Variants in GPHN observed in about 807,000 individuals in gnomAD.
GPHN encodes the protein gephyrin.
A neutral mutation model predicts 95.5 loss-of-function variants in GPHN; 17 were observed. The observed-to-expected ratio is 0.18, with a 90% confidence interval of 0.12 to 0.27. The LOEUF is 0.27. Ranked by LOEUF, GPHN falls within the 10% of genes least tolerant of loss-of-function variation. GPHN has a pLI of 1.00. For missense variants in GPHN, 660 were observed against 978.1 expected, an observed-to-expected ratio of 0.67 and a Z score of 4.34; for synonymous variants, 320 against 322.5, an observed-to-expected ratio of 0.99 and a Z score of 0.08.
chr14:66,807,491 A>G (rs2060591807), intron 3 of GPHN, among the ~76,000 whole-genome samples: 1 of 152,216 alleles, frequency 6.6e-6, no homozygotes, highest in African/African-American at 2.4e-5. Flanking sequence ...TTAATAGTAG[A>G]ATAAATACAA....
At chr14:66,799,819 T>C (rs765672295) in intron 3 of GPHN, among the ~76,000 whole-genome samples, 2 of 152,070 alleles carry the variant, frequency 1.3e-5, no homozygotes, top group Admixed American at 6.6e-5. Context: ...AGTGTTATTA[T>C]TGATAAGTAA....
intron 1 of GPHN, among the ~76,000 whole-genome samples, chr14:66,585,009 A>G (rs559653615): frequency 1.3e-5 from 2 of 152,188 alleles, no homozygotes; most frequent in African/African-American, 2.4e-5. Context: ...CTGTGAATCC[A>G]TCTGGTCCTG....
At chr14:66,825,650 C>G (rs2061361722) in intron 4 of GPHN, among the ~76,000 whole-genome samples, 1 of 148,692 alleles carries the variant, frequency 6.7e-6, no homozygotes, top group African/African-American at 2.5e-5. Context: ...TATGAAAATG[C>G]AATTTTAAGA....
At chr14:67,329,314 T>A in the GPHN span, among the ~76,000 whole-genome samples, 1 of 152,260 alleles carries the variant, frequency 6.6e-6, no homozygotes, top group Non-Finnish European at 1.5e-5. Context: ...TTGTGATTTC[T>A]GCACATTGAT....
the GPHN span, chr14:67,320,183 A>G: frequency 2.5e-6 from 4 of 1,569,928 alleles, no homozygotes; most frequent in Non-Finnish European, 3.5e-6. Context: ...TATCTTTAAT[A>G]CATGGCCATA....
intron 1 of GPHN, among the ~76,000 whole-genome samples, chr14:66,562,912 C>G (rs1158259522): frequency 1.3e-5 from 2 of 151,644 alleles, no homozygotes; most frequent in African/African-American, 4.8e-5. Context: ...CTTGCCTTTT[C>G]TTAATTGACG....
At chr14:66,568,663 A>G (rs1268334878) in intron 1 of GPHN, among the ~76,000 whole-genome samples, 1 of 152,128 alleles carries the variant, frequency 6.6e-6, no homozygotes, top group African/African-American at 2.4e-5. Context: ...AGTACATTAA[A>G]CAGATTGAAT....
At chr14:66,904,228 A>G (rs1184793776) in intron 5 of GPHN, among the ~76,000 whole-genome samples, 1 of 152,102 alleles carries the variant, frequency 6.6e-6, no homozygotes, top group Non-Finnish European at 1.5e-5. Flanking sequence ...TGTGAAGAGT[A>G]TAAGAACAAA....
intron 1 of GPHN, 73 bp downstream of exon 1, chr14:66,508,664 G>A (rs974052469): frequency 1.5e-6 from 2 of 1,318,538 alleles, no homozygotes; most frequent in South Asian, 2.3e-5. Flanking sequence ...CGCCTGTGGT[G>A]GCCCTTCTCT....
chr14:67,456,117 CAA>C, the GPHN span, among the ~76,000 whole-genome samples: 24 of 152,224 alleles, frequency 1.6e-4, no homozygotes, highest in Non-Finnish European at 3.1e-4. Flanking sequence ...AACAAATTAA[CAA>C]ACAAAAAACC....
At chr14:67,178,465 C>T (rs1024399463) in intron 21 of GPHN, among the ~76,000 whole-genome samples, 1 of 152,120 alleles carries the variant, frequency 6.6e-6, no homozygotes, top group Non-Finnish European at 1.5e-5. Flanking sequence ...TGTGGGTAAT[C>T]CGACCTTTCT....
chr14:66,782,696 G>C (rs764052431), intron 3 of GPHN, among the ~76,000 whole-genome samples: 1 of 152,054 alleles, frequency 6.6e-6, no homozygotes, highest in African/African-American at 2.4e-5. Flanking sequence ...CATGCATGGT[G>C]GCATGCATCT....
chr14:66,893,440 T>C (rs558112002), intron 5 of GPHN, among the ~76,000 whole-genome samples: 1 of 152,278 alleles, frequency 6.6e-6, no homozygotes, highest in African/African-American at 2.4e-5. Context: ...GCATTCCCTT[T>C]GAAAACTGGC....
chr14:66,849,332 C>G (rs1426134033), intron 4 of GPHN, among the ~76,000 whole-genome samples: 6 of 151,878 alleles, frequency 4.0e-5, no homozygotes. Flanking sequence ...AGGTTCTTTC[C>G]TATTTCCTAT....
intron 1 of GPHN, among the ~76,000 whole-genome samples, chr14:66,558,059 A>G (rs759437911): frequency 1.1e-3 from 162 of 152,260 alleles, no homozygotes; most frequent in Non-Finnish European, 1.9e-3. Flanking sequence ...TTGAAAAGTT[A>G]CAAAAACCTT....
chr14:66,571,862 G>A (rs1289597605), intron 1 of GPHN, among the ~76,000 whole-genome samples: 3 of 152,100 alleles, frequency 2.0e-5, no homozygotes, highest in Admixed American at 2.0e-4. Flanking sequence ...CCAATGCCAG[G>A]AAGCTTTTCC....
At chr14:67,213,211 T>G in the GPHN span, among the ~76,000 whole-genome samples, 1 of 150,744 alleles carries the variant, frequency 6.6e-6, no homozygotes. Flanking sequence ...ATGTGCACAA[T>G]GTGCAGGTTA....
At chr14:67,183,568 A>G (rs1192739312), downstream of GPHN, among the ~76,000 whole-genome samples, 1 of 151,906 alleles carries the variant, frequency 6.6e-6, no homozygotes, top group East Asian at 1.9e-4. Flanking sequence ...TTTTATTTTT[A>G]TTTTTATTTT....
chr14:66,685,597 TG>T (rs376662393), intron 2 of GPHN, among the ~76,000 whole-genome samples: 2,034 of 152,294 alleles, frequency 0.013, 21 homozygotes, highest in Middle Eastern at 0.02. Flanking sequence ...TTGATGGGGT[TG>T]TTTTTTTCTT....
Sources: gnomAD v4.1 joint callset for allele counts (sites outside exome capture counted in the v4.1 genomes callset) on GRCh38, gnomAD v4.1.1 for gene constraint, MANE v1.5 for transcripts, NCBI Gene and HGNC (gene_info 2026-07-23, HGNC 2026-07-21) for gene names.